The following STPG2 variants were observed in gnomAD, a reference collection of about 807,000 sequenced individuals.
The protein encoded by STPG2 is sperm-tail PG-rich repeat-containing protein 2.
STPG2 carries 56 observed loss-of-function variants against 54.2 expected under a neutral mutation model. The ratio of observed to expected loss-of-function variants is 1.03; its 90% CI spans 0.83 to 1.29. The LOEUF is 1.29. Ranked by LOEUF, STPG2 falls within the 50% of genes most tolerant of loss-of-function variation. The pLI, the probability that STPG2 is intolerant of heterozygous loss-of-function variation, is 0.00. For synonymous variants in STPG2, 200 were observed against 181.8 expected, an observed-to-expected ratio of 1.10 and a Z score of -0.81; for missense variants, 596 against 544.9, an observed-to-expected ratio of 1.09 and a Z score of -0.93.
chr4:97,534,733 G>A (rs1011767707), intron 4 of STPG2, among the ~76,000 whole-genome samples: 2 of 152,086 alleles, frequency 1.3e-5, no homozygotes, highest in Admixed American at 1.3e-4. Context: ...AAGATATTGA[G>A]TGGTTTTATT....
At chr4:97,441,718 A>G (rs1560609552) in intron 4 of STPG2, among the ~76,000 whole-genome samples, 1 of 152,004 alleles carries the variant, frequency 6.6e-6, no homozygotes, top group Non-Finnish European at 1.5e-5. Context: ...CAAGTAGTTC[A>G]TATTATGTCA....
At chr4:97,744,671 T>C (rs1253679006) in intron 9 of STPG2, among the ~76,000 whole-genome samples, 1 of 151,182 alleles carries the variant, frequency 6.6e-6, no homozygotes, top group Non-Finnish European at 1.5e-5. Context: ...AATGTTTAAT[T>C]TATAAATTGG....
At chr4:97,541,378 A>C (rs1731701487) in intron 4 of STPG2, among the ~76,000 whole-genome samples, 2 of 152,202 alleles carry the variant, frequency 1.3e-5, no homozygotes, top group South Asian at 2.1e-4. Flanking sequence ...CAATTGCTTC[A>C]AAGAGAATAA....
chr4:97,629,300 G>GA (rs906545100), intron 10 of STPG2, among the ~76,000 whole-genome samples: 1 of 151,828 alleles, frequency 6.6e-6, no homozygotes, highest in Non-Finnish European at 1.5e-5. Context: ...AAACTGCTGA[G>GA]AAAAAAAGCA....
chr4:97,559,728 A>G (rs563131132), intron 10 of STPG2, among the ~76,000 whole-genome samples: 1 of 152,192 alleles, frequency 6.6e-6, no homozygotes, highest in South Asian at 2.1e-4. Flanking sequence ...TCTACTCTGG[A>G]GTTTTGACCA....
intron 9 of STPG2, among the ~76,000 whole-genome samples, chr4:97,732,195 A>C (rs1040792791): frequency 1.3e-5 from 2 of 152,044 alleles, no homozygotes; most frequent in African/African-American, 4.8e-5. Flanking sequence ...CATTCACAAA[A>C]TCTTCTGGGC....
chr4:97,703,708 TATA>T (rs920074246), intron 10 of STPG2, among the ~76,000 whole-genome samples: 1 of 141,350 alleles, frequency 7.1e-6, no homozygotes, highest in African/African-American at 2.6e-5. Flanking sequence ...TATAGTATAT[TATA>T]GTATATATAT....
At chr4:97,520,831 C>A (rs2148846960) in intron 4 of STPG2, among the ~76,000 whole-genome samples, 1 of 151,966 alleles carries the variant, frequency 6.6e-6, no homozygotes, top group African/African-American at 2.4e-5. Flanking sequence ...GATAATTCAG[C>A]TGTATTTAAG....
intron 9 of STPG2, among the ~76,000 whole-genome samples, chr4:97,830,185 A>T (rs911548545): frequency 5.9e-5 from 9 of 152,174 alleles, no homozygotes; most frequent in African/African-American, 1.9e-4. Context: ...CTCTACAGAA[A>T]CCCTACAAGC....
intron 9 of STPG2, among the ~76,000 whole-genome samples, chr4:97,747,997 C>T (rs1725470837): frequency 6.6e-6 from 1 of 151,362 alleles, no homozygotes; most frequent in Non-Finnish European, 1.5e-5. Flanking sequence ...CAAGTCTTAT[C>T]CTTCATAAAA....
chr4:97,784,656 A>G (rs1462469587), intron 9 of STPG2, among the ~76,000 whole-genome samples: 1 of 152,046 alleles, frequency 6.6e-6, no homozygotes, highest in African/African-American at 2.4e-5. Context: ...ACTCTGGGAT[A>G]TTTTGCCCTA....
At position 97,664,710 on chromosome 4, in the gene STPG2, A is replaced by G. The variant is rs115662603; in HGVS notation, c.1320+47989T>C. ...TATTTTTTTTACCTCAGTATCTCCT[A>G]TGATAAAGCAGGATAGTTATGTCAC... On this transcript the variant is annotated intron_variant, in intron 10 of 10. Coordinates refer to ENST00000295268, the MANE Select transcript of STPG2 (RefSeq NM_174952.3). Among the ~76,000 whole-genome samples the G allele has an allele frequency of 6.0e-3, 912 of 152,124 alleles. 10 individuals are homozygous for G. Among genetic ancestry groups the G allele is most frequent in the African/African-American group, 0.021 (870 of 41,488 alleles).
chr4:97,915,482 A>C (rs1239685105), intron 8 of STPG2, among the ~76,000 whole-genome samples: 2 of 152,120 alleles, frequency 1.3e-5, no homozygotes, highest in Non-Finnish European at 2.9e-5. Flanking sequence ...TCATTCCACT[A>C]TACATGTTGT....
intron 10 of STPG2, among the ~76,000 whole-genome samples, chr4:97,711,791 T>G (rs892344304): frequency 6.7e-6 from 1 of 150,312 alleles, no homozygotes; most frequent in African/African-American, 2.4e-5. Flanking sequence ...TGCCCCAGCC[T>G]CCCGAGTAGC....
At chr4:98,130,620 A>G (rs1739959371) in intron 2 of STPG2, among the ~76,000 whole-genome samples, 1 of 151,930 alleles carries the variant, frequency 6.6e-6, no homozygotes, top group African/African-American at 2.4e-5. Flanking sequence ...AATTTGTGTG[A>G]TGTCAAAACT....
At chr4:98,038,472 C>T (rs1175596105) in intron 5 of STPG2, among the ~76,000 whole-genome samples, 2 of 151,806 alleles carry the variant, frequency 1.3e-5, no homozygotes, top group Non-Finnish European at 2.9e-5. Context: ...CATTACAAAT[C>T]AGTGGAGAAA....
intron 5 of STPG2, among the ~76,000 whole-genome samples, chr4:97,993,215 T>C (rs902814775): frequency 1.3e-5 from 2 of 152,174 alleles, no homozygotes; most frequent in African/African-American, 4.8e-5. Context: ...ATGTTGCCTG[T>C]GGGTTTATCA....
chr4:98,134,649 A>G (rs1740089808), intron 1 of STPG2, among the ~76,000 whole-genome samples, 190 bp from the exon 2 acceptor site: 1 of 151,158 alleles, frequency 6.6e-6, no homozygotes, highest in South Asian at 2.1e-4. Context: ...TAATATATTA[A>G]ATATAAGAAC....
chr4:97,645,595 A>G (rs1721891411), intron 10 of STPG2, among the ~76,000 whole-genome samples: 1 of 152,050 alleles, frequency 6.6e-6, no homozygotes, highest in Non-Finnish European at 1.5e-5. Context: ...ATTGTCAGAG[A>G]TTCTCATTTA....
Sources: allele counts gnomAD v4.1 joint callset (sites outside exome capture counted in the v4.1 genomes callset), GRCh38; gene constraint gnomAD v4.1.1; transcripts MANE v1.5; gene names NCBI Gene and HGNC (gene_info 2026-07-23, HGNC 2026-07-21).